The following LIMD1 variants were observed in gnomAD, a reference collection of about 807,000 sequenced individuals.
LIMD1 encodes the protein LIM domain-containing protein 1.
A neutral mutation model predicts 58.4 loss-of-function variants in LIMD1; 23 were observed. That is an observed-to-expected ratio of 0.39 (90% CI 0.28 to 0.56). The LOEUF is 0.56. LIMD1 is among the 20% of genes least tolerant of loss of function. The pLI is 0.57. For synonymous variants in LIMD1, 334 were observed against 345.5 expected, an observed-to-expected ratio of 0.97 and a Z score of 0.37; for missense variants, 838 against 855.5, an observed-to-expected ratio of 0.98 and a Z score of 0.25.
intron 1 of LIMD1, among the ~76,000 whole-genome samples, chr3:45,605,103 G>A (rs2125648957): frequency 6.6e-6 from 1 of 152,374 alleles, no homozygotes; most frequent in Admixed American, 6.5e-5. Context: ...AGCTCAGGGT[G>A]TGATGTTGGG....
chr3:45,644,145 A>G (rs929702107), intron 2 of LIMD1, among the ~76,000 whole-genome samples: 4 of 152,232 alleles, frequency 2.6e-5, no homozygotes, highest in African/African-American at 9.6e-5. Flanking sequence ...CTTGAGATAA[A>G]TAAAACAATT....
At chr3:45,655,110 G>A (rs1263244838) in intron 2 of LIMD1, among the ~76,000 whole-genome samples, 1 of 151,864 alleles carries the variant, frequency 6.6e-6, no homozygotes, top group African/African-American at 2.4e-5. Context: ...AGTAGAGATG[G>A]GGTTTCACCC....
intron 1 of LIMD1, among the ~76,000 whole-genome samples, chr3:45,634,434 A>G (rs1288721119): frequency 6.6e-6 from 1 of 152,172 alleles, no homozygotes; most frequent in East Asian, 1.9e-4. Context: ...CAGCCTGTTC[A>G]CAGAGCCCAT....
At chr3:45,653,781 A>G (rs1701997068) in intron 2 of LIMD1, among the ~76,000 whole-genome samples, 1 of 151,804 alleles carries the variant, frequency 6.6e-6, no homozygotes, top group South Asian at 2.1e-4. Context: ...GTGATGGTGC[A>G]TGCCTGTAGT....
intron 2 of LIMD1, among the ~76,000 whole-genome samples, chr3:45,645,057 C>G (rs1701887817): frequency 6.6e-6 from 1 of 152,162 alleles, no homozygotes; most frequent in Non-Finnish European, 1.5e-5. Context: ...AGCTGAAGAT[C>G]AAGAATGTGA....
chr3:45,675,524 G>A (rs895874403), intron 7 of LIMD1, among the ~76,000 whole-genome samples: 22 of 151,236 alleles, frequency 1.5e-4, no homozygotes, highest in African/African-American at 4.7e-4. Context: ...GCAAGACTCC[G>A]TCTCAAAAAA....
chr3:45,642,642 A>G lies in LIMD1; in HGVS notation c.1510+6391A>G, dbSNP rs187367257. On this transcript the variant is annotated intron_variant, in intron 2 of 7. Transcript: ENST00000273317. Reference sequence around the variant, plus strand: ...GTTGTATCCTTTTCAATTTAACATCATGTCATAGTTCATAATAATAATTTT... The same window carrying G: ...GTTGTATCCTTTTCAATTTAACATCGTGTCATAGTTCATAATAATAATTTT... Among the ~76,000 whole-genome samples the G allele has an allele frequency of 2.6e-5, 4 of 152,246 alleles. No individual in the cohort carries two copies. The East Asian group carries it at 5.8e-4, about 22-fold the overall frequency.
chr3:45,605,291 G>A (rs186956573), intron 1 of LIMD1, among the ~76,000 whole-genome samples: 78 of 152,380 alleles, frequency 5.1e-4, no homozygotes, highest in Non-Finnish European at 8.7e-4. Flanking sequence ...GAGGCCAAGC[G>A]GCCTGGCATC....
intron 2 of LIMD1, among the ~76,000 whole-genome samples, chr3:45,664,371 T>A (rs530803560): frequency 6.6e-6 from 1 of 152,340 alleles, no homozygotes; most frequent in South Asian, 2.1e-4. Context: ...CTTCCTTTTT[T>A]CTTTAACTCA....
At chr3:45,645,110 A>G (rs141975147) in intron 2 of LIMD1, among the ~76,000 whole-genome samples, 4,610 of 152,362 alleles carry the variant, frequency 0.03, 75 homozygotes, top group Non-Finnish European at 0.041. Context: ...CAGTGGGCAC[A>G]GGAAAGATCA....
chr3:45,681,097 C>G lies in LIMD1; in HGVS notation c.*4038C>G, dbSNP rs574963664. The G allele has an allele frequency of 1.3e-5, 2 of 151,756 alleles. No individual in the cohort carries two copies. The highest frequency in any genetic ancestry group is 1.3e-4 in the Admixed American group (2 of 15,250). 9.4% of individuals were successfully genotyped at this position (151,756 alleles called of 1,614,324 possible). A position where few individuals can be genotyped will look rare whatever the true frequency, so the allele number is the denominator to read the frequency against. Reference sequence around the variant, plus strand: ...CCAAAACTTGACAGATGTGGGAAATCTTCATATAGTGTATGAAAATTTCAT... The same window carrying G: ...CCAAAACTTGACAGATGTGGGAAATGTTCATATAGTGTATGAAAATTTCAT... On this transcript the variant is annotated 3_prime_UTR_variant, in exon 8 of 8. Transcript: ENST00000273317.
intron 2 of LIMD1, among the ~76,000 whole-genome samples, chr3:45,657,524 CAAAAAAAAA>C (rs71617901): frequency 0.057 from 5,679 of 99,640 alleles, 165 homozygotes; most frequent in Middle Eastern, 0.09. Flanking sequence ...GACGCTGTCT[CAAAAAAAAA>C]AAAAAAAAAA....
chr3:45,668,507 T>C (rs2125669549), intron 4 of LIMD1, 151 bp downstream of exon 4: 1 of 574,506 alleles, frequency 1.7e-6, no homozygotes, highest in East Asian at 3.3e-5. Context: ...TCCCAGCACT[T>C]TGGGAGGCCG....
chr3:45,643,769 A>G (rs1023561623), intron 2 of LIMD1, among the ~76,000 whole-genome samples: 1 of 152,196 alleles, frequency 6.6e-6, no homozygotes, highest in Non-Finnish European at 1.5e-5. Context: ...GTTGACAGAA[A>G]TTACGCCTAG....
Position 45,674,412 on chromosome 3 carries a change from G to A in LIMD1, c.1893+1G>A. The A allele has an allele frequency of 6.2e-7, 1 of 1,612,660 alleles. No homozygotes were observed. The highest frequency in any genetic ancestry group is 8.5e-7 in the Non-Finnish European group (1 of 1,178,894). On this transcript the variant is annotated splice_donor_variant, in intron 7 of 7. Transcript: ENST00000273317. LOFTEE classifies it high-confidence loss of function. ...CCACGTGGAGTGTTACCACTGCGAG[G>A]TAGACCCCTCCCCACCCAGCCCCCA...
At chr3:45,668,757 A>G (rs1697552052) in intron 4 of LIMD1, among the ~76,000 whole-genome samples, 1 of 152,090 alleles carries the variant, frequency 6.6e-6, no homozygotes, top group Non-Finnish European at 1.5e-5. Context: ...CACCTCAAAA[A>G]AAAAAAAAAA....
rs138073681 is a variant in LIMD1 at position 45,647,269 on chromosome 3, G to A, written c.1510+11018G>A. Among the ~76,000 whole-genome samples the A allele has an allele frequency of 2.2e-3, 332 of 152,146 alleles. 1 individual carries two copies. Among genetic ancestry groups the A allele is most frequent in the Middle Eastern group, 6.8e-3 (2 of 294 alleles). ...CATAGTCTTCATAACCATCTGCTGC[G>A]TAAGATCCTGTTGATTTGATGACTC... On this transcript the variant is annotated intron_variant, in intron 2 of 7. Transcript: ENST00000273317.
intron 1 of LIMD1, among the ~76,000 whole-genome samples, chr3:45,610,915 G>C (rs1196083503): frequency 6.6e-6 from 1 of 152,166 alleles, no homozygotes; most frequent in Non-Finnish European, 1.5e-5. Flanking sequence ...ATTCTATGTT[G>C]AAATGAGACT....
In LIMD1 at chr3:45,679,486, G is replaced by C. The variant is rs1344946507; in HGVS notation, c.*2427G>C. On this transcript the variant is annotated 3_prime_UTR_variant, in exon 8 of 8. Transcript: ENST00000273317. ...AGAACTGTAATGGGGTTGTATTTAT[G>C]GGCGCCTAGAAAGAAAACACAAGGA... The C allele has an allele frequency of 6.6e-6, 1 of 152,276 alleles. No homozygotes were observed. The highest frequency in any genetic ancestry group is 1.9e-4 in the East Asian group (1 of 5,190). The allele number at this position is 152,276 out of a possible 1,614,324, so 9.4% of individuals were successfully genotyped here.
Sources: allele counts gnomAD v4.1 joint callset (sites outside exome capture counted in the v4.1 genomes callset), GRCh38; gene constraint gnomAD v4.1.1; transcripts MANE v1.5; gene names NCBI Gene and HGNC (gene_info 2026-07-23, HGNC 2026-07-21).